CASTOR1: variants seen among roughly 807,000 people sequenced by gnomAD.
The protein encoded by CASTOR1 is GATS protein like 3.
Under a neutral mutation model 33.7 loss-of-function variants are expected in CASTOR1, and 18 were observed. The ratio of observed to expected loss-of-function variants is 0.53; its 90% CI spans 0.37 to 0.79. The LOEUF is 0.79. Ranked by LOEUF, CASTOR1 falls within the 30% of genes least tolerant of loss-of-function variation. The pLI is 0.00. For synonymous variants in CASTOR1, 175 were observed against 190.6 expected (o/e 0.92, Z 0.67); for missense variants, 362 against 446.3 (o/e 0.81, Z 1.70).
chr22:30,286,980 T>C (rs1929790436), intron 4 of CASTOR1, 32 bp from the exon 5 acceptor site: 1 of 1,588,468 alleles, frequency 6.3e-7, no homozygotes, highest in South Asian at 1.1e-5. Flanking sequence ...TGAAAAGGTG[T>C]CCGTGGGCTG....
rs1433892364 is a variant in CASTOR1, at chr22:30,287,561, C to G, written c.185-1G>C. On this transcript the variant is annotated splice_acceptor_variant, in intron 2 of 8. Transcript: ENST00000407689. LOFTEE classifies it high-confidence loss of function. ...TGCAGGAACTCAGATGGGGGCAGCT[C>G]TGTGGGCAGGGGACATGTCAGGTCA... is the stretch of plus-strand genomic sequence containing the variant. The G allele has an allele frequency of 1.2e-6, 2 of 1,609,166 alleles. No individual in the cohort carries two copies. Among genetic ancestry groups the G allele is most frequent in the Non-Finnish European group, 1.7e-6 (2 of 1,178,250 alleles).
intron 6 of CASTOR1, 51 bp from the exon 7 acceptor site, chr22:30,286,149 G>A (rs775313464): frequency 1.4e-6 from 2 of 1,453,396 alleles, no homozygotes; most frequent in South Asian, 1.3e-5. Flanking sequence ...ACCCCTGCCT[G>A]ACCGTGAGCT....
intron 2 of CASTOR1, 118 bp from the exon 3 acceptor site, chr22:30,287,678 G>GCCCCA: frequency 1.0e-6 from 1 of 995,042 alleles, no homozygotes; most frequent in Non-Finnish European, 1.5e-6. Flanking sequence ...CAGGTCTGGA[G>GCCCCA]GCTGGGGCTC....
At chr22:30,288,627 C>A in intron 2 of CASTOR1, 79 bp downstream of exon 2, 1 of 1,274,670 alleles carries the variant, frequency 7.8e-7, no homozygotes, top group South Asian at 1.2e-5. Flanking sequence ...GGGACGGATC[C>A]CAGCAACTGG....
intron 4 of CASTOR1, 47 bp from the exon 5 acceptor site, chr22:30,286,995 G>A (rs769653828): frequency 1.4e-5 from 22 of 1,576,300 alleles, no homozygotes; most frequent in Non-Finnish European, 1.8e-5. Flanking sequence ...GGGCTGGGGC[G>A]CCCCCTGGTG....
At chr22:30,286,611 A>G in intron 5 of CASTOR1, 1 of 705,154 alleles carries the variant, frequency 1.4e-6, no homozygotes. Flanking sequence ...GGGCCAGACC[A>G]GGGCATGGCT....
chr22:30,287,919 A>C, intron 2 of CASTOR1: 1 of 504,858 alleles, frequency 2.0e-6, no homozygotes, highest in South Asian at 1.5e-5. Context: ...GGGTTAGCAG[A>C]AGCTTTGTAC....
At chr22:30,288,665 C>G in intron 2 of CASTOR1, 41 bp downstream of exon 2, 3 of 1,531,616 alleles carry the variant, frequency 2.0e-6, no homozygotes, top group Non-Finnish European at 2.7e-6. Context: ...GGGAGCACGA[C>G]AAGCCCCTCC....
intron 5 of CASTOR1, 75 bp downstream of exon 5, chr22:30,286,750 T>C: frequency 2.5e-6 from 4 of 1,589,336 alleles, no homozygotes; most frequent in East Asian, 2.2e-5. Context: ...GCAAAACTGA[T>C]AGATGGGCGG....
In CASTOR1 at chr22:30,286,250, AG is replaced by A. The variant is rs1217582968; in HGVS notation, c.743+12del. 3 of 1,595,776 alleles carry A rather than the reference AG, an allele frequency of 1.9e-6. No individual in the cohort carries two copies. Among genetic ancestry groups the A allele is most frequent in the Non-Finnish European group, 2.6e-6 (3 of 1,164,198 alleles). On this transcript the variant is annotated intron_variant, in intron 6 of 8. Coordinates refer to ENST00000407689, the MANE Select transcript of CASTOR1 (RefSeq NM_001037666.3). ...TGGGGCCTGGGGCCCACCCGGGGTC[AG>A]GGGTCACCTACTTTTTCTGTGTTTC...
Position 30,287,432 on chromosome 22 carries a change from G to A in CASTOR1, c.313C>T (p.Leu105=). ...TKIARSVIAP[L]AEHHVSVLML... ...AGCACAGACACGTGGTGCTCGGCCAGTGGCGCGATGACCGAACGGGCGATC... is the reference window on the plus strand; with the variant it reads ...AGCACAGACACGTGGTGCTCGGCCAATGGCGCGATGACCGAACGGGCGATC... The change falls in exon 3 of 9, where the codon CTG becomes TTG. Residue 105 remains leucine (L), a synonymous_variant. Coordinates refer to ENST00000407689, the MANE Select transcript of CASTOR1 (RefSeq NM_001037666.3). 6.2e-7 allele frequency: 1 copy of A among 1,613,502 alleles called. No homozygotes were observed. The highest frequency in any genetic ancestry group is 1.6e-4 in the Middle Eastern group (1 of 6,062).
intron 1 of CASTOR1, 96 bp downstream of exon 1, chr22:30,289,289 C>T: frequency 1.0e-6 from 1 of 961,196 alleles, no homozygotes. Flanking sequence ...GCCCGCCTGC[C>T]TGCCTGCCTT....
In CASTOR1 at chr22:30,287,266, C is replaced by T. The variant is rs773905426; in HGVS notation, c.394G>A (p.Val132Met). ...FILVREQDLS[V>M]VIHTLAQEFD... ...TCCTGGGCCAGCGTGTGGATCACCACGGACAGGTCCTGCTCCCGCACCTGG... is the reference window on the plus strand; with the variant it reads ...TCCTGGGCCAGCGTGTGGATCACCATGGACAGGTCCTGCTCCCGCACCTGG... The change falls in exon 4 of 9, where the codon GTG becomes ATG. Residue 132 changes from valine (V) to methionine (M), a missense_variant. Physicochemically the swap from Val to Met is conservative, Grantham distance 21 (BLOSUM62 1). Coordinates refer to ENST00000407689, the MANE Select transcript of CASTOR1 (RefSeq NM_001037666.3). 4.8e-5 allele frequency: 75 copies of T among 1,575,782 alleles called. No homozygotes were observed. The highest frequency in any genetic ancestry group is 8.6e-5 in the Admixed American group (5 of 57,814).
At position 30,285,548 on chromosome 22, in the gene CASTOR1, A is replaced by T; in HGVS notation, c.*72T>A. 1 of 1,217,886 alleles carries T rather than the reference A, an allele frequency of 8.2e-7. No homozygotes were observed. Among genetic ancestry groups the T allele is most frequent in the Admixed American group, 2.2e-5 (1 of 45,542 alleles). The allele number at this position is 1,217,886 out of a possible 1,614,324, so 75.4% of individuals were successfully genotyped here. A position where few individuals can be genotyped will look rare whatever the true frequency, so the allele number is the denominator to read the frequency against. Reference sequence around the variant, plus strand: ...GGGGGCTCGTTCCAGAGCTTAAGGAAATAGCTTAGAGAAGTCTTTGGAAGC... The same window carrying T: ...GGGGGCTCGTTCCAGAGCTTAAGGATATAGCTTAGAGAAGTCTTTGGAAGC... On this transcript the variant is annotated 3_prime_UTR_variant, in exon 9 of 9. Coordinates refer to ENST00000407689, the MANE Select transcript of CASTOR1 (RefSeq NM_001037666.3).
chr22:30,288,350 A>G (rs1929837342), intron 2 of CASTOR1, among the ~76,000 whole-genome samples: 2 of 152,026 alleles, frequency 1.3e-5, no homozygotes, highest in African/African-American at 4.8e-5. Context: ...CCAGGAGGAA[A>G]TAATACCCAG....
Position 30,285,868 on chromosome 22 carries a change from G to C in CASTOR1, c.885C>G (p.Ala295=). The C allele has an allele frequency of 6.2e-7, 1 of 1,611,212 alleles. No individual in the cohort carries two copies. Reference sequence around the variant, plus strand: ...CGAAGTTGAAGGTGCTGATGTAGTAGGCAGAGATGTCAGCGGCAGCCAGGG... The same window carrying C: ...CGAAGTTGAAGGTGCTGATGTAGTACGCAGAGATGTCAGCGGCAGCCAGGG... ...AGPLAAADIS[A]YYISTFNFDH... is the part of the protein sequence containing the mutation. Residue 295 remains alanine, a synonymous_variant, in exon 8 of 9, where the codon GCC becomes GCG. Transcript: ENST00000407689.
Position 30,285,899 on chromosome 22 carries a change from G to A in CASTOR1, c.854C>T (p.Ala285Val). 6.2e-7 allele frequency: 1 copy of A among 1,609,140 alleles called. No individual in the cohort carries two copies. Among genetic ancestry groups the A allele is most frequent in the Non-Finnish European group, 8.5e-7 (1 of 1,178,252 alleles). Reference sequence around the variant, plus strand: ...GATGTCAGCGGCAGCCAGGGGACCTGCAATCTGTGCCACGATGCCACATTC... The same window carrying A: ...GATGTCAGCGGCAGCCAGGGGACCTACAATCTGTGCCACGATGCCACATTC... ...FDECGIVAQI[A>V]GPLAAADISA... The change falls in exon 8 of 9, where the codon GCA becomes GTA. Residue 285 changes from alanine to valine, a missense_variant. Ala to Val is a moderately conservative substitution (Grantham distance 64). Coordinates refer to ENST00000407689, the MANE Select transcript of CASTOR1 (RefSeq NM_001037666.3).
rs748754620 is a variant in CASTOR1, at chr22:30,289,440, G to T, written c.58C>A (p.Leu20Ile). 5 of 1,600,274 alleles carry T rather than the reference G, an allele frequency of 3.1e-6. No individual in the cohort carries two copies. Among genetic ancestry groups the T allele is most frequent in the African/African-American group, 1.4e-5 (1 of 73,796 alleles). The change falls in exon 1 of 9, where the codon CTC becomes ATC. Residue 20 changes from leucine to isoleucine, a missense_variant. Coordinates refer to ENST00000407689, the MANE Select transcript of CASTOR1 (RefSeq NM_001037666.3). ...ATGAGCGGGTGGGTGTAGAGCCAGA[G>T]ACCGGGACGGGCGACGCTCAGCACC... Reference protein sequence around the residue: ...VRVLSVARPGLWLYTHPLIKL... With the variant: ...VRVLSVARPGIWLYTHPLIKL...
In CASTOR1 at chr22:30,287,200, C is replaced by A. The variant is rs750425901; in HGVS notation, c.460G>T (p.Val154Leu). The A allele has an allele frequency of 6.2e-7, 1 of 1,609,382 alleles. No individual in the cohort carries two copies. The highest frequency in any genetic ancestry group is 1.1e-5 in the South Asian group (1 of 90,690). Residue 154 changes from valine (V) to leucine (L), a missense_variant, in exon 4 of 9, where the codon GTG becomes TTG. Coordinates refer to ENST00000407689, the MANE Select transcript of CASTOR1 (RefSeq NM_001037666.3). Reference sequence around the variant, plus strand: ...CCATTGCTGGAATCATCCCTCGTCACAGGCACAGGCTCTCCGCCCACCTCG... The same window carrying A: ...CCATTGCTGGAATCATCCCTCGTCAAAGGCACAGGCTCTCCGCCCACCTCG... ...YREVGGEPVP[V>L]TRDDSSNGFP...
Sources: allele counts gnomAD v4.1 joint callset (sites outside exome capture counted in the v4.1 genomes callset), GRCh38; gene constraint gnomAD v4.1.1; transcripts MANE v1.5; gene names NCBI Gene and HGNC (gene_info 2026-07-23, HGNC 2026-07-21).